Variants in HMOX2 observed in about 807,000 individuals in gnomAD.
HMOX2 encodes heme oxygenase (decycling) 2.
Under a neutral mutation model 33.7 loss-of-function variants are expected in HMOX2, and 30 were observed. The observed-to-expected ratio is 0.89, with a 90% CI of 0.67 to 1.21. The LOEUF (loss-of-function observed/expected upper bound fraction) is 1.21. Among genes scored for constraint, HMOX2 ranks in the 50% most tolerant of loss-of-function variants. The pLI, the probability that HMOX2 is intolerant of heterozygous loss-of-function variation, is 0.00. For missense variants in HMOX2, 403 were observed against 399.1 expected (o/e 1.01, Z -0.08); for synonymous variants, 155 against 155.0 (o/e 1.00, Z 0.00).
At position 4,476,441 on chromosome 16, in the gene HMOX2, G is replaced by T. The variant is rs1052287909; in HGVS notation, c.-88G>T. ...CGGCGCCTGAGGGAGTCGCTGACGG[G>T]CACGCTGACTGGAGGCTGGCGGACA... On this transcript the variant is annotated 5_prime_UTR_variant, in exon 1 of 6. Transcript: ENST00000570646. 2.6e-5 allele frequency: 4 copies of T among 152,270 alleles called. No individual in the cohort carries two copies. Among genetic ancestry groups the T allele is most frequent in the Non-Finnish European group, 5.9e-5 (4 of 68,062 alleles). 9.4% of individuals were successfully genotyped at this position (152,270 alleles called of 1,614,324 possible).
chr16:4,479,975 G>A (rs1336943184), intron 1 of HMOX2, among the ~76,000 whole-genome samples: 1 of 151,784 alleles, frequency 6.6e-6, no homozygotes, highest in African/African-American at 2.4e-5. Flanking sequence ...CTGACCTCAG[G>A]TGATCCGTCC....
Position 4,509,708 on chromosome 16 carries a change from C to T in HMOX2, c.903C>T (p.Ala301=), listed in dbSNP as rs369456522. The change falls in exon 6 of 6, where the codon GCC becomes GCT. Residue 301 remains alanine (A), a synonymous_variant. Coordinates refer to ENST00000570646, the MANE Select transcript of HMOX2 (RefSeq NM_002134.4). ...AGCCCAGCCTCCAGTTCATCCTGGC[C>T]GCTGGTGTGGCCCTAGCTGCTGGAC... ...LRKPSLQFIL[A]AGVALAAGLL... The T allele has an allele frequency of 3.8e-5, 61 of 1,613,800 alleles. No individual in the cohort carries two copies. The highest frequency in any genetic ancestry group is 4.8e-5 in the Non-Finnish European group (57 of 1,179,978).
chr16:4,495,059 C>T (rs1047797860), intron 1 of HMOX2, among the ~76,000 whole-genome samples: 3 of 152,150 alleles, frequency 2.0e-5, no homozygotes, highest in Admixed American at 1.3e-4. Context: ...GAGAGGGCTG[C>T]ATTTACAGCT....
Position 4,505,649 on chromosome 16 carries a change from C to T in HMOX2, c.86+39C>T, listed in dbSNP as rs113701556. 6 of 1,393,480 alleles carry T rather than the reference C, an allele frequency of 4.3e-6. No homozygotes were observed. In the South Asian group the frequency reaches 6.1e-5, roughly 14 times the overall value. 86.3% of individuals were successfully genotyped at this position (1,393,480 alleles called of 1,614,324 possible). On this transcript the variant is annotated intron_variant, in intron 2 of 5. Coordinates refer to ENST00000570646, the MANE Select transcript of HMOX2 (RefSeq NM_002134.4). Reference sequence around the variant, plus strand: ...GCTGGCTGCACTGAATCAGGTGGGCCCAGCACCTGTCGTGCTCAGCACACC... The same window carrying T: ...GCTGGCTGCACTGAATCAGGTGGGCTCAGCACCTGTCGTGCTCAGCACACC...
intron 1 of HMOX2, among the ~76,000 whole-genome samples, chr16:4,498,042 C>T (rs1246584541): frequency 2.0e-5 from 3 of 147,678 alleles, no homozygotes; most frequent in Non-Finnish European, 4.5e-5. Flanking sequence ...AGAGTCCCCA[C>T]TTTTCCAGGA....
At chr16:4,481,348 CAAAA>C (rs60035479) in intron 1 of HMOX2, among the ~76,000 whole-genome samples, 4 of 114,052 alleles carry the variant, frequency 3.5e-5, no homozygotes, top group Admixed American at 9.2e-5. Flanking sequence ...GACTCCGTCT[CAAAA>C]AAAAAAAAAA....
At chr16:4,476,906 G>C (rs2057864328) in intron 1 of HMOX2, among the ~76,000 whole-genome samples, 2 of 152,186 alleles carry the variant, frequency 1.3e-5, no homozygotes, top group Non-Finnish European at 2.9e-5. Context: ...AGAGATTGGA[G>C]CCCGGCTTGG....
chr16:4,496,888 G>C (rs1397980769), intron 1 of HMOX2: 1 of 151,458 alleles, frequency 6.6e-6, no homozygotes, highest in African/African-American at 2.4e-5. Flanking sequence ...AGAGACGGGG[G>C]GTCTCACTAT....
intron 1 of HMOX2, among the ~76,000 whole-genome samples, chr16:4,493,319 G>A (rs547520224): frequency 3.5e-4 from 53 of 152,320 alleles, no homozygotes; most frequent in African/African-American, 1.3e-3. Flanking sequence ...GCTTCTCAAA[G>A]TGCTGGGATT....
intron 1 of HMOX2, among the ~76,000 whole-genome samples, chr16:4,489,826 G>T (rs2058263129): frequency 6.6e-6 from 1 of 152,080 alleles, no homozygotes; most frequent in African/African-American, 2.4e-5. Context: ...TACCCAGGCT[G>T]GTCTGAAACT....
chr16:4,490,645 T>C (rs1462118892), intron 1 of HMOX2, among the ~76,000 whole-genome samples: 2 of 152,248 alleles, frequency 1.3e-5, no homozygotes, highest in African/African-American at 4.8e-5. Flanking sequence ...GAACATACTG[T>C]AACCCTTTTC....
intron 1 of HMOX2, among the ~76,000 whole-genome samples, chr16:4,480,258 C>T (rs1389758968): frequency 6.7e-6 from 1 of 150,138 alleles, no homozygotes; most frequent in African/African-American, 2.5e-5. Flanking sequence ...ATGTTGGCCA[C>T]GCTGGTCTCC....
chr16:4,487,267 AAAG>A lies in HMOX2; in HGVS notation c.-42+10784_-42+10786del, dbSNP rs879497294. Among the ~76,000 whole-genome samples the A allele has an allele frequency of 1.2e-4, 18 of 152,212 alleles. 1 individual carries two copies. The South Asian group carries it at 1.2e-3, about 11-fold the overall frequency. On this transcript the variant is annotated intron_variant, in intron 1 of 5. Transcript: ENST00000570646. ...AGCAAGACCCTGTCTCAAAAAAAAAAAAGAAGTTGGGCACAGTGGCTCAGGCCT... is the reference window on the plus strand; with the variant it reads ...AGCAAGACCCTGTCTCAAAAAAAAAAAAGTTGGGCACAGTGGCTCAGGCCT...
At chr16:4,485,750 G>A (rs181173616) in intron 1 of HMOX2, among the ~76,000 whole-genome samples, 85 of 152,152 alleles carry the variant, frequency 5.6e-4, no homozygotes, top group African/African-American at 2.0e-3. Context: ...TTTGAGAGAA[G>A]TCTCGCTCTT....
At chr16:4,508,371 G>A (rs1263540061) in intron 4 of HMOX2, among the ~76,000 whole-genome samples, 167 bp downstream of exon 4, 1 of 152,156 alleles carries the variant, frequency 6.6e-6, no homozygotes, top group Non-Finnish European at 1.5e-5. Context: ...TGGGCCCAGT[G>A]GGTGGTTCCC....
chr16:4,508,441 C>G lies in HMOX2; in HGVS notation c.696+237C>G, dbSNP rs182054051. 2.0e-4 allele frequency among the ~76,000 whole-genome samples: 31 copies of G among 152,246 alleles called. No homozygotes were observed. The East Asian group carries it at 5.6e-3, about 28-fold the overall frequency. ...TAGTGTTTTGGGAAGGGTGAGTCCT[C>G]TCGCACATAGAGGGGTCTGGAAGAA... On this transcript the variant is annotated intron_variant, in intron 4 of 5. Coordinates refer to ENST00000570646, the MANE Select transcript of HMOX2 (RefSeq NM_002134.4).
intron 4 of HMOX2, among the ~76,000 whole-genome samples, chr16:4,508,623 T>A (rs1476145312): frequency 1.3e-5 from 2 of 152,186 alleles, no homozygotes; most frequent in Non-Finnish European, 2.9e-5. Flanking sequence ...AGCCTTTAGA[T>A]GAGGCTGAAC....
At chr16:4,507,171 A>T (rs1199229704) in intron 3 of HMOX2, among the ~76,000 whole-genome samples, 159 bp downstream of exon 3, 1 of 152,126 alleles carries the variant, frequency 6.6e-6, no homozygotes, top group African/African-American at 2.4e-5. Context: ...TCGGCTGGGT[A>T]CAGTGGCTCA....
intron 1 of HMOX2, among the ~76,000 whole-genome samples, chr16:4,484,054 A>G (rs2058101048): frequency 1.4e-5 from 2 of 142,730 alleles, no homozygotes; most frequent in South Asian, 4.3e-4. Flanking sequence ...GGCTCACTGC[A>G]GGCTCCGCCT....
Sources: allele counts gnomAD v4.1 joint callset (sites outside exome capture counted in the v4.1 genomes callset), GRCh38; gene constraint gnomAD v4.1.1; transcripts MANE v1.5; gene names NCBI Gene and HGNC (gene_info 2026-07-23, HGNC 2026-07-21).